The following TACR3 variants were observed in gnomAD, a reference collection of about 807,000 sequenced individuals.
TACR3 encodes the protein neuromedin-K receptor.
A neutral mutation model predicts 35.0 loss-of-function variants in TACR3; 34 were observed. That is an observed-to-expected ratio of 0.97 (90% CI 0.74 to 1.30). TACR3 has a LOEUF of 1.30. TACR3 is among the 50% of genes most tolerant of loss of function. The pLI is 0.00. For synonymous variants in TACR3, 233 were observed against 221.1 expected, an observed-to-expected ratio of 1.05 and a Z score of -0.48; for missense variants, 558 against 591.7, an observed-to-expected ratio of 0.94 and a Z score of 0.59.
At chr4:103,598,304 GT>G (rs1276093389) in intron 3 of TACR3, among the ~76,000 whole-genome samples, 1 of 151,918 alleles carries the variant, frequency 6.6e-6, no homozygotes, top group Non-Finnish European at 1.5e-5. Flanking sequence ...GAGGTTGTTT[GT>G]TTTTTTCTTG....
chr4:103,648,457 T>G (rs1578241957), intron 3 of TACR3, among the ~76,000 whole-genome samples: 1 of 152,122 alleles, frequency 6.6e-6, no homozygotes, highest in East Asian at 1.9e-4. Context: ...TTCCAACCTC[T>G]GGGACCTTCC....
At chr4:103,633,888 A>G (rs994766245) in intron 3 of TACR3, among the ~76,000 whole-genome samples, 3 of 151,696 alleles carry the variant, frequency 2.0e-5, no homozygotes, top group Non-Finnish European at 2.9e-5. Flanking sequence ...TCTTTTTTTA[A>G]AAAAAGCAAG....
At position 103,660,620 on chromosome 4, in the gene TACR3, C is replaced by T. The variant is rs187694195; in HGVS notation, c.549-2217G>A. Among the ~76,000 whole-genome samples the T allele has an allele frequency of 4.2e-4, 64 of 151,738 alleles. 1 individual carries two copies. The highest frequency in any genetic ancestry group is 3.1e-4 in the Non-Finnish European group (21 of 67,866). ...GATATGTTTAGTGCCTTGATTGTGG[C>T]GATATCATGTTTTTCCAAGCTCATC... On this transcript the variant is annotated intron_variant, in intron 1 of 4. Coordinates refer to ENST00000304883, the MANE Select transcript of TACR3 (RefSeq NM_001059.3).
At chr4:103,672,006 G>T (rs959593091) in intron 1 of TACR3, among the ~76,000 whole-genome samples, 5 of 152,018 alleles carry the variant, frequency 3.3e-5, no homozygotes, top group Non-Finnish European at 1.5e-5. Context: ...ATTCTATATT[G>T]TTTATTATTA....
At chr4:103,605,400 C>A in intron 3 of TACR3, among the ~76,000 whole-genome samples, 1 of 95,232 alleles carries the variant, frequency 1.1e-5, no homozygotes, top group Non-Finnish European at 2.5e-5. Context: ...GAGGAATTGC[C>A]ACACTGACTT....
chr4:103,677,259 TAGG>T (rs1390236606), intron 1 of TACR3, among the ~76,000 whole-genome samples: 9 of 152,122 alleles, frequency 5.9e-5, no homozygotes, highest in African/African-American at 2.2e-4. Context: ...ACACTGTTGG[TAGG>T]AGTATAAATT....
chr4:103,680,987 CCTTAT>C (rs1481680002), intron 1 of TACR3, among the ~76,000 whole-genome samples: 1 of 151,506 alleles, frequency 6.6e-6, no homozygotes, highest in Non-Finnish European at 1.5e-5. Context: ...TCTCTTTCTT[CCTTAT>C]ATTTTTTTTC....
At chr4:103,666,867 G>A (rs1038908757) in intron 1 of TACR3, among the ~76,000 whole-genome samples, 2 of 152,116 alleles carry the variant, frequency 1.3e-5, no homozygotes, top group African/African-American at 4.8e-5. Flanking sequence ...CTGACATTTT[G>A]TGTCACCTCT....
chr4:103,598,338 A>G (rs1269305542), intron 3 of TACR3, among the ~76,000 whole-genome samples: 2 of 152,116 alleles, frequency 1.3e-5, no homozygotes, highest in East Asian at 1.9e-4. Context: ...AGTTCATTTT[A>G]GATTCTGGAT....
intron 1 of TACR3, among the ~76,000 whole-genome samples, chr4:103,701,851 A>G (rs1195190798): frequency 6.6e-6 from 1 of 152,218 alleles, no homozygotes; most frequent in Non-Finnish European, 1.5e-5. Context: ...AGCCATATGT[A>G]GAAAGCTGAA....
chr4:103,651,508 G>A (rs753769528), intron 3 of TACR3, among the ~76,000 whole-genome samples: 15 of 151,700 alleles, frequency 9.9e-5, no homozygotes, highest in Non-Finnish European at 1.9e-4. Context: ...TCTGGTCCAG[G>A]TAGGTCCAAA....
At chr4:103,648,532 A>G (rs1215989424) in intron 3 of TACR3, among the ~76,000 whole-genome samples, 1 of 152,062 alleles carries the variant, frequency 6.6e-6, no homozygotes, top group Non-Finnish European at 1.5e-5. Flanking sequence ...AAGTGGGACC[A>G]TACAAACTTC....
intron 1 of TACR3, among the ~76,000 whole-genome samples, chr4:103,680,238 G>T (rs1417674525): frequency 6.6e-6 from 1 of 151,360 alleles, no homozygotes; most frequent in African/African-American, 2.4e-5. Flanking sequence ...TTTATTGTTA[G>T]CAAGTAGAAC....
intron 1 of TACR3, among the ~76,000 whole-genome samples, chr4:103,704,475 G>T (rs981778057): frequency 1.3e-5 from 2 of 152,174 alleles, no homozygotes; most frequent in African/African-American, 4.8e-5. Context: ...TGCATGGCCA[G>T]GGAGACCTCA....
chr4:103,589,887 C>T lies in TACR3; in HGVS notation c.1193G>A (p.Ser398Asn), dbSNP rs763871412. 6.2e-7 allele frequency: 1 copy of T among 1,613,988 alleles called. No homozygotes were observed. Among genetic ancestry groups the T allele is most frequent in the South Asian group, 1.1e-5 (1 of 91,084 alleles). The change falls in exon 5 of 5, where the codon AGC (serine) becomes AAC (asparagine). Residue 398 changes from serine to asparagine, a missense_variant. By Grantham distance (46) the Ser-to-Asn change is conservative. Transcript: ENST00000304883. ...KTTRFHPNRQ[S>N]SMYTVTRMES... is the part of the protein sequence containing the mutation. ...CATTCTGGTCACGGTGTACATACTG[C>T]TTTGCCGGTTTGGATGAAACCTGGT...
At chr4:103,634,196 A>G (rs1725129718) in intron 3 of TACR3, among the ~76,000 whole-genome samples, 1 of 152,146 alleles carries the variant, frequency 6.6e-6, no homozygotes, top group South Asian at 2.1e-4. Context: ...TATTAACAGT[A>G]ACCTCTAATG....
chr4:103,663,479 G>A (rs1193725937), intron 1 of TACR3, among the ~76,000 whole-genome samples: 1 of 152,110 alleles, frequency 6.6e-6, no homozygotes, highest in African/African-American at 2.4e-5. Flanking sequence ...GAGTGACAGA[G>A]CAAGACTCTG....
chr4:103,650,767 T>C (rs1396680052), intron 3 of TACR3, among the ~76,000 whole-genome samples: 1 of 84,068 alleles, frequency 1.2e-5, no homozygotes. Flanking sequence ...ATATATGATG[T>C]ATATAATATA....
At chr4:103,653,183 T>A (rs1226203896) in intron 3 of TACR3, among the ~76,000 whole-genome samples, 1 of 152,124 alleles carries the variant, frequency 6.6e-6, no homozygotes, top group African/African-American at 2.4e-5. Context: ...TAAAATGTCT[T>A]ACTTTTTTGA....
Sources: allele counts gnomAD v4.1 joint callset (sites outside exome capture counted in the v4.1 genomes callset), GRCh38; gene constraint gnomAD v4.1.1; transcripts MANE v1.5; gene names NCBI Gene and HGNC (gene_info 2026-07-23, HGNC 2026-07-21).